MMAA: variants seen among roughly 807,000 people sequenced by gnomAD.
MMAA encodes the protein metabolism of cobalamin associated A.
MMAA carries 41 observed loss-of-function variants against 45.0 expected under a neutral mutation model. That is an observed-to-expected ratio of 0.91 (90% CI 0.71 to 1.18). MMAA has a LOEUF of 1.18. Ranked by LOEUF, MMAA falls within the 50% of genes most tolerant of loss-of-function variation. The pLI is 0.00. For synonymous variants in MMAA, 154 were observed against 178.2 expected, an observed-to-expected ratio of 0.86 and a Z score of 1.08; for missense variants, 460 against 495.7, an observed-to-expected ratio of 0.93 and a Z score of 0.68.
intron 1 of MMAA, among the ~76,000 whole-genome samples, chr4:145,636,971 A>T (rs1469777490): frequency 1.3e-5 from 2 of 152,242 alleles, no homozygotes; most frequent in Non-Finnish European, 2.9e-5. Flanking sequence ...TTTGCAATGT[A>T]ATTAAGTAAC....
In MMAA at chr4:145,658,018, C is replaced by T. The variant is rs763886975; in HGVS notation, c.*2584C>T. On this transcript the variant is annotated 3_prime_UTR_variant, in exon 7 of 7. Coordinates refer to ENST00000649156, the MANE Select transcript of MMAA (RefSeq NM_172250.3). ...CTCCGAGTTCACACGAGGTCTAGAT[C>T]TGGTCATTTAAAAGTGTGTGGCATC... The T allele has an allele frequency of 1.3e-5, 2 of 151,958 alleles. No individual in the cohort carries two copies. The highest frequency in any genetic ancestry group is 2.9e-5 in the Non-Finnish European group (2 of 68,102). The allele number at this position is 151,958 out of a possible 1,614,324, so 9.4% of individuals were successfully genotyped here.
Position 145,639,422 on chromosome 4 carries a change from C to T in MMAA, c.283C>T (p.Gln95Ter), listed in dbSNP as rs104893846. Residue 95 changes from glutamine to a stop codon, truncating the protein, a stop_gained, in exon 2 of 7, where the codon CAA (glutamine) becomes TAA (stop). Coordinates refer to ENST00000649156, the MANE Select transcript of MMAA (RefSeq NM_172250.3). LOFTEE classifies it high-confidence loss of function. Reference protein sequence around the residue: ...FVDKLYTGLIQGQRACLAEAI... With the variant: ...FVDKLYTGLI ...GGATAAACTTTATACTGGTTTAATC[C>T]AAGGGCAAAGGGCCTGTTTAGCAGA... 3.3e-5 allele frequency: 54 copies of T among 1,613,950 alleles called. No individual in the cohort carries two copies. The highest frequency in any genetic ancestry group is 3.2e-5 in the Non-Finnish European group (38 of 1,180,020).
At chr4:145,640,293 A>T (rs1026251664) in intron 2 of MMAA, among the ~76,000 whole-genome samples, 6 of 150,880 alleles carry the variant, frequency 4.0e-5, no homozygotes, top group African/African-American at 1.5e-4. Flanking sequence ...TTGTATTTTT[A>T]ATAGAGACAG....
chr4:145,647,314 T>G (rs979428717), intron 4 of MMAA, among the ~76,000 whole-genome samples: 2 of 152,226 alleles, frequency 1.3e-5, no homozygotes, highest in Non-Finnish European at 2.9e-5. Context: ...ATATATTAAG[T>G]GTTAAATGCT....
chr4:145,641,768 T>A (rs918131393), intron 2 of MMAA, among the ~76,000 whole-genome samples: 2 of 152,304 alleles, frequency 1.3e-5, no homozygotes, highest in African/African-American at 4.8e-5. Context: ...GGCTTCAGGG[T>A]TTGTGCTCTT....
At chr4:145,646,895 G>A (rs1267887035) in intron 4 of MMAA, among the ~76,000 whole-genome samples, 1 of 152,196 alleles carries the variant, frequency 6.6e-6, no homozygotes, top group African/African-American at 2.4e-5. Flanking sequence ...GTCAGTTGGA[G>A]CAGTAGGCCA....
At chr4:145,645,844 A>G (rs1437387868) in intron 3 of MMAA, 142 bp from the exon 4 acceptor site, 17 of 729,882 alleles carry the variant, frequency 2.3e-5, no homozygotes, top group East Asian at 5.4e-5. Context: ...ATTGTATACA[A>G]TGAGTTGGAG....
intron 1 of MMAA, among the ~76,000 whole-genome samples, chr4:145,631,412 CTT>C (rs1727430087): frequency 6.6e-6 from 1 of 152,096 alleles, no homozygotes; most frequent in Non-Finnish European, 1.5e-5. Flanking sequence ...TTCCTTGTCT[CTT>C]CTTACAGTTT....
intron 1 of MMAA, among the ~76,000 whole-genome samples, chr4:145,629,418 T>C (rs1206053346): frequency 1.3e-5 from 2 of 152,234 alleles, no homozygotes; most frequent in African/African-American, 4.8e-5. Flanking sequence ...ATGATCTTTT[T>C]AATGTATTGT....
At chr4:145,645,846 G>A (rs1727915272) in intron 3 of MMAA, 140 bp from the exon 4 acceptor site, 1 of 734,042 alleles carries the variant, frequency 1.4e-6, no homozygotes, top group Non-Finnish European at 2.3e-6. Flanking sequence ...TGTATACAAT[G>A]AGTTGGAGAG....
chr4:145,638,730 T>A (rs1727693795), intron 1 of MMAA, among the ~76,000 whole-genome samples: 1 of 152,196 alleles, frequency 6.6e-6, no homozygotes, highest in Non-Finnish European at 1.5e-5. Context: ...ATCTGGTGTA[T>A]TGACCTGAGG....
At chr4:145,637,469 A>G (rs1727644807) in intron 1 of MMAA, among the ~76,000 whole-genome samples, 1 of 151,696 alleles carries the variant, frequency 6.6e-6, no homozygotes, top group Non-Finnish European at 1.5e-5. Flanking sequence ...CCCCATAGAG[A>G]AAAAGTTGTT....
Position 145,656,200 on chromosome 4 carries a change from CT to C in MMAA, c.*770del, listed in dbSNP as rs979866015. On this transcript the variant is annotated 3_prime_UTR_variant, in exon 7 of 7. Transcript: ENST00000649156. Reference sequence around the variant, plus strand: ...TATTCAGTTTGAAGACTACCAAAGGCTTTTGCTTCTCTTCTTCCTTGGCCAT... The same window carrying C: ...TATTCAGTTTGAAGACTACCAAAGGCTTTGCTTCTCTTCTTCCTTGGCCAT... The C allele has an allele frequency of 2.0e-5, 3 of 152,206 alleles. No homozygotes were observed. Among genetic ancestry groups the C allele is most frequent in the African/African-American group, 7.2e-5 (3 of 41,452 alleles). 9.4% of individuals were successfully genotyped at this position (152,206 alleles called of 1,614,324 possible).
At chr4:145,627,751 C>T (rs1420590715) in intron 1 of MMAA, among the ~76,000 whole-genome samples, 1 of 151,974 alleles carries the variant, frequency 6.6e-6, no homozygotes, top group Non-Finnish European at 1.5e-5. Flanking sequence ...AAAATGTGAA[C>T]GATATGCACT....
At chr4:145,650,056 T>C (rs2126626468) in intron 4 of MMAA, among the ~76,000 whole-genome samples, 1 of 152,322 alleles carries the variant, frequency 6.6e-6, no homozygotes. Flanking sequence ...ATAAATTACC[T>C]TTTTCCAGAA....
Position 145,659,203 on chromosome 4 carries a change from G to GTT in MMAA, c.*3773_*3774dup, listed in dbSNP as rs1320505488. ...TTTAAAATTTACTAAATTTATGAAC[G>GTT]TTTTTATCCCACTTGAGATGAATAC... On this transcript the variant is annotated 3_prime_UTR_variant, in exon 7 of 7. Transcript: ENST00000649156. 6.6e-6 allele frequency: 1 copy of GTT among 151,942 alleles called. No individual in the cohort carries two copies. The highest frequency in any genetic ancestry group is 1.5e-5 in the Non-Finnish European group (1 of 67,994). 9.4% of individuals were successfully genotyped at this position (151,942 alleles called of 1,614,324 possible). A position where few individuals can be genotyped will look rare whatever the true frequency, so the allele number is the denominator to read the frequency against.
intron 1 of MMAA, among the ~76,000 whole-genome samples, chr4:145,632,861 A>T (rs1462996823): frequency 6.6e-6 from 1 of 151,622 alleles, no homozygotes; most frequent in African/African-American, 2.4e-5. Context: ...AAGCTCAAGC[A>T]ATCCTGTCAC....
rs2126629917 is a variant in MMAA at position 145,655,272 on chromosome 4, T to C, written c.1095T>C (p.Val365=). The C allele has an allele frequency of 1.2e-6, 2 of 1,614,170 alleles. No individual in the cohort carries two copies. The highest frequency in any genetic ancestry group is 2.2e-5 in the South Asian group (2 of 91,074). The change falls in exon 7 of 7, where the codon GTT becomes GTC. Residue 365 remains valine, a synonymous_variant. Coordinates refer to ENST00000649156, the MANE Select transcript of MMAA (RefSeq NM_172250.3). The part of the protein sequence containing the change: ...LTAKRRKQQK[V]WMWNLIQESV... ...CCAAACGACGGAAGCAACAGAAAGTTTGGATGTGGAATCTCATTCAGGAAA... is the reference window on the plus strand; with the variant it reads ...CCAAACGACGGAAGCAACAGAAAGTCTGGATGTGGAATCTCATTCAGGAAA...
At chr4:145,623,585 A>C (rs1004583692) in intron 1 of MMAA, among the ~76,000 whole-genome samples, 1 of 152,212 alleles carries the variant, frequency 6.6e-6, no homozygotes, top group African/African-American at 2.4e-5. Flanking sequence ...TAATGTCAAA[A>C]GTTCCAAGAT....
Sources: gnomAD v4.1 joint callset for allele counts (sites outside exome capture counted in the v4.1 genomes callset) on GRCh38, gnomAD v4.1.1 for gene constraint, MANE v1.5 for transcripts, NCBI Gene and HGNC (gene_info 2026-07-23, HGNC 2026-07-21) for gene names.